Variants in USP37 observed in about 807,000 individuals in gnomAD.
The protein encoded by USP37 is ubiquitin carboxyl-terminal hydrolase 37.
USP37 carries 27 observed loss-of-function variants against 124.0 expected under a neutral mutation model. That is an observed-to-expected ratio of 0.22 (90% CI 0.16 to 0.30). The LOEUF (loss-of-function observed/expected upper bound fraction) is 0.30, where lower values mean the gene tolerates loss of function less well. Among genes scored for constraint, USP37 ranks in the 10% least tolerant of loss-of-function variants. USP37 has a pLI of 1.00. For missense variants in USP37, 889 were observed against 1,140.4 expected, an observed-to-expected ratio of 0.78 and a Z score of 3.17; for synonymous variants, 365 against 388.0, an observed-to-expected ratio of 0.94 and a Z score of 0.70.
chr2:218,534,223 T>G (rs1401724190), intron 9 of USP37, among the ~76,000 whole-genome samples: 1 of 152,214 alleles, frequency 6.6e-6, no homozygotes, highest in African/African-American at 2.4e-5. Context: ...GCATGGTGGC[T>G]CCCACCTGTA....
intron 21 of USP37, among the ~76,000 whole-genome samples, chr2:218,463,981 G>A (rs201073520): frequency 1.4e-5 from 2 of 147,452 alleles, no homozygotes; most frequent in Non-Finnish European, 1.5e-5. Flanking sequence ...TCAGCCTCCC[G>A]GGTGGCTGGG....
At chr2:218,513,389 T>C (rs1050270795) in intron 10 of USP37, among the ~76,000 whole-genome samples, 1 of 152,188 alleles carries the variant, frequency 6.6e-6, no homozygotes, top group Admixed American at 6.5e-5. Flanking sequence ...GAAACAGCTT[T>C]ACTGAAGTAT....
chr2:218,470,771 C>T (rs773907994), intron 20 of USP37, among the ~76,000 whole-genome samples: 31 of 152,204 alleles, frequency 2.0e-4, no homozygotes, highest in Non-Finnish European at 3.7e-4. Flanking sequence ...ACTTTGCCTT[C>T]CTGCCCCTCC....
At chr2:218,489,666 G>C (rs1390150896) in intron 14 of USP37, among the ~76,000 whole-genome samples, 1 of 151,810 alleles carries the variant, frequency 6.6e-6, no homozygotes, top group Non-Finnish European at 1.5e-5. Context: ...TTTTAGTAGA[G>C]ATGGGGTTTC....
chr2:218,463,283 TG>T lies in USP37; in HGVS notation c.2527+22del, dbSNP rs760389718. 49 of 1,607,382 alleles carry T rather than the reference TG, an allele frequency of 3.0e-5. No individual in the cohort carries two copies. The Middle Eastern group carries it at 4.8e-3, about 158-fold the overall frequency. On this transcript the variant is annotated intron_variant, in intron 22 of 25. Coordinates refer to ENST00000258399, the MANE Select transcript of USP37 (RefSeq NM_020935.3). Reference sequence around the variant, plus strand: ...AATGGTAATTTTACCATTAAAAAAATGTAATTAAAAAGATCTCCACACCTTG... The same window carrying T: ...AATGGTAATTTTACCATTAAAAAAATTAATTAAAAAGATCTCCACACCTTG...
chr2:218,539,984 T>C (rs1386194995), intron 8 of USP37, among the ~76,000 whole-genome samples: 1 of 152,120 alleles, frequency 6.6e-6, no homozygotes, highest in Non-Finnish European at 1.5e-5. Context: ...CATCCCAGCC[T>C]AGGTGACAGA....
intron 10 of USP37, among the ~76,000 whole-genome samples, chr2:218,520,592 T>G (rs564858154): frequency 1.2e-4 from 18 of 151,766 alleles, no homozygotes; most frequent in African/African-American, 4.3e-4. Context: ...CCTCGGGTGA[T>G]CGGCCCACCA....
intron 22 of USP37, 105 bp from the exon 23 acceptor site, chr2:218,460,010 C>G (rs1299246236): frequency 5.9e-6 from 4 of 673,888 alleles, no homozygotes. Context: ...ACAGGTGGAT[C>G]ACCTGAGGTC....
At chr2:218,496,834 A>G (rs1488911810) in intron 13 of USP37, among the ~76,000 whole-genome samples, 6 of 152,032 alleles carry the variant, frequency 3.9e-5, no homozygotes, top group Non-Finnish European at 8.8e-5. Flanking sequence ...TATTTTTAGT[A>G]GAGATGGGGT....
intron 8 of USP37, among the ~76,000 whole-genome samples, chr2:218,544,727 C>T (rs1440261441): frequency 6.6e-6 from 1 of 152,148 alleles, no homozygotes; most frequent in Non-Finnish European, 1.5e-5. Flanking sequence ...CCAACGCCTT[C>T]ACTGTCCTCA....
chr2:218,450,325 A>G lies in USP37; in HGVS notation c.*4605T>C, dbSNP rs1229318478. ...TAATTTAAAAAGGAAACAAAAACAA[A>G]GAAAAACCGTAAAGGATACAGAGGA... On this transcript the variant is annotated 3_prime_UTR_variant, in exon 26 of 26. Coordinates refer to ENST00000258399, the MANE Select transcript of USP37 (RefSeq NM_020935.3). 2 of 152,632 alleles carry G rather than the reference A, an allele frequency of 1.3e-5. No homozygotes were observed. The highest frequency in any genetic ancestry group is 2.4e-5 in the African/African-American group (1 of 41,472). The allele number at this position is 152,632 out of a possible 1,614,324, so 9.5% of individuals were successfully genotyped here. A position where few individuals can be genotyped will look rare whatever the true frequency, so the allele number is the denominator to read the frequency against.
At chr2:218,490,091 C>T (rs1230082225) in intron 14 of USP37, among the ~76,000 whole-genome samples, 2 of 152,202 alleles carry the variant, frequency 1.3e-5, no homozygotes, top group African/African-American at 2.4e-5. Context: ...ATGGCTCACG[C>T]CTGTAATCCC....
At chr2:218,532,657 C>T (rs993939003) in intron 9 of USP37, among the ~76,000 whole-genome samples, 1 of 151,782 alleles carries the variant, frequency 6.6e-6, no homozygotes, top group African/African-American at 2.4e-5. Flanking sequence ...TGGCTGGGTG[C>T]AGTGGGTCCT....
At chr2:218,499,295 A>AC (rs901449580) in intron 11 of USP37, among the ~76,000 whole-genome samples, 14 of 151,698 alleles carry the variant, frequency 9.2e-5, no homozygotes, top group South Asian at 2.1e-4. Flanking sequence ...AAAAACAACA[A>AC]AAAAAAACCT....
At chr2:218,494,226 A>C (rs948348316) in intron 14 of USP37, among the ~76,000 whole-genome samples, 1 of 152,244 alleles carries the variant, frequency 6.6e-6, no homozygotes, top group Admixed American at 6.5e-5. Context: ...TAGCTGGAAA[A>C]GATGTCAGTG....
intron 16 of USP37, among the ~76,000 whole-genome samples, chr2:218,483,663 C>A (rs1024729054): frequency 6.7e-6 from 1 of 150,322 alleles, no homozygotes; most frequent in South Asian, 2.1e-4. Flanking sequence ...TTTTTCCCCC[C>A]ACTTGAAAAA....
At chr2:218,489,357 CA>C (rs35890265) in intron 14 of USP37, among the ~76,000 whole-genome samples, 77,880 of 123,328 alleles carry the variant, frequency 0.63, 22,730 homozygotes, top group East Asian at 0.88. Context: ...GACTCTGTCT[CA>C]AAAAAAAAAA....
intron 14 of USP37, among the ~76,000 whole-genome samples, chr2:218,489,990 A>G (rs1691837967): frequency 7.2e-5 from 11 of 152,132 alleles, no homozygotes; most frequent in Admixed American, 7.2e-4. Context: ...ACAATTATCC[A>G]TGTTAGTACT....
chr2:218,455,508 AGG>A (rs1283014657), intron 25 of USP37, 70 bp downstream of exon 25: 617 of 1,396,184 alleles, frequency 4.4e-4, no homozygotes, highest in Middle Eastern at 1.5e-3. Flanking sequence ...TTATCCTCAA[AGG>A]AAAAAAAAAA....
Sources: gnomAD v4.1 joint callset for allele counts (sites outside exome capture counted in the v4.1 genomes callset) on GRCh38, gnomAD v4.1.1 for gene constraint, MANE v1.5 for transcripts, NCBI Gene and HGNC (gene_info 2026-07-23, HGNC 2026-07-21) for gene names.